Variants in REEP5 observed in about 807,000 individuals in gnomAD.
The protein encoded by REEP5 is receptor expression-enhancing protein 5.
Under a neutral mutation model 22.4 loss-of-function variants are expected in REEP5, and 24 were observed. The ratio of observed to expected loss-of-function variants is 1.07; its 90% CI spans 0.78 to 1.51. The LOEUF (loss-of-function observed/expected upper bound fraction) is 1.51, where lower values mean the gene tolerates loss of function less well. Ranked by LOEUF, REEP5 falls within the 40% of genes most tolerant of loss-of-function variation. REEP5 has a pLI of 0.00. For missense variants in REEP5, 252 were observed against 233.0 expected, an observed-to-expected ratio of 1.08 and a Z score of -0.53; for synonymous variants, 103 against 88.6, an observed-to-expected ratio of 1.16 and a Z score of -0.92.
At chr5:112,885,500 GGC>G in intron 4 of REEP5, 4 of 206,048 alleles carry the variant, frequency 1.9e-5, no homozygotes, top group Non-Finnish European at 4.1e-5. Flanking sequence ...TCCCTAACTA[GGC>G]AGATGAGGGT....
chr5:112,906,698 A>C (rs1000450012), intron 2 of REEP5, among the ~76,000 whole-genome samples: 1 of 152,162 alleles, frequency 6.6e-6, no homozygotes, highest in Non-Finnish European at 1.5e-5. Context: ...CCATCTACAG[A>C]ACTTATTAAA....
intron 3 of REEP5, chr5:112,897,351 T>TCACACACACACACA (rs34612314): frequency 1.4e-4 from 14 of 97,790 alleles, no homozygotes; most frequent in Non-Finnish European, 8.4e-5. Context: ...ACACATCCCA[T>TCACACACACACACA]CACACACACA....
chr5:112,912,711 C>G (rs1467370854), intron 2 of REEP5, among the ~76,000 whole-genome samples: 1 of 152,068 alleles, frequency 6.6e-6, no homozygotes, highest in East Asian at 1.9e-4. Context: ...TCCTCCATGC[C>G]CACCATGCAT....
At chr5:112,892,095 A>G (rs777764337) in intron 3 of REEP5, 59 of 1,613,272 alleles carry the variant, frequency 3.7e-5, no homozygotes, top group Non-Finnish European at 4.9e-5. Context: ...AAAATGATTT[A>G]GAAAATAGTA....
At chr5:112,907,759 G>A (rs1768986361) in intron 2 of REEP5, among the ~76,000 whole-genome samples, 1 of 152,064 alleles carries the variant, frequency 6.6e-6, no homozygotes, top group South Asian at 2.1e-4. Context: ...GTATGTAAAG[G>A]GCAGTAGACT....
intron 4 of REEP5, 40 bp from the exon 5 acceptor site, chr5:112,878,875 C>A: frequency 1.2e-6 from 2 of 1,613,526 alleles, no homozygotes; most frequent in Middle Eastern, 1.7e-4. Flanking sequence ...TATATCAAAG[C>A]TCTTTCTTTG....
intron 3 of REEP5, chr5:112,891,567 G>A (rs1580736870): frequency 1.3e-6 from 2 of 1,548,564 alleles, no homozygotes; most frequent in African/African-American, 2.7e-5. Context: ...ACTGACAGTG[G>A]CAGCTATGAA....
chr5:112,898,198 C>G (rs180930842), intron 3 of REEP5: 85 of 152,380 alleles, frequency 5.6e-4, no homozygotes, highest in African/African-American at 1.9e-3. Flanking sequence ...CCTTCTCCTA[C>G]AGACGAGACT....
At chr5:112,902,246 G>A (rs773150722) in intron 3 of REEP5, 134 bp downstream of exon 3, 14 of 902,322 alleles carry the variant, frequency 1.6e-5, no homozygotes, top group African/African-American at 3.5e-5. Context: ...ACAGAGTCTC[G>A]CTCTGTTGCC....
At chr5:112,919,374 C>T (rs985691496) in intron 2 of REEP5, among the ~76,000 whole-genome samples, 3 of 151,726 alleles carry the variant, frequency 2.0e-5, no homozygotes, top group Non-Finnish European at 4.4e-5. Flanking sequence ...ATGGCAAAAC[C>T]GCATCTCTAC....
chr5:112,890,839 TA>T (rs1179502803), intron 3 of REEP5, among the ~76,000 whole-genome samples: 1 of 150,844 alleles, frequency 6.6e-6, no homozygotes, highest in African/African-American at 2.5e-5. Context: ...ACAAGTTACT[TA>T]ATCACTTAAG....
chr5:112,888,599 AACTT>A (rs1174972740), intron 3 of REEP5, among the ~76,000 whole-genome samples: 57 of 132,998 alleles, frequency 4.3e-4, no homozygotes, highest in East Asian at 2.0e-3. Context: ...AATTTTTTAT[AACTT>A]TTTTTTGTAG....
intron 4 of REEP5, among the ~76,000 whole-genome samples, chr5:112,879,666 T>C (rs57522421): frequency 1.3e-3 from 198 of 151,928 alleles, no homozygotes; most frequent in African/African-American, 4.1e-3. Flanking sequence ...TTAGTAGAGA[T>C]GGGGTTTCAC....
At chr5:112,915,880 T>TTC (rs1554094969) in intron 2 of REEP5, among the ~76,000 whole-genome samples, 1,547 of 133,806 alleles carry the variant, frequency 0.012, 26 homozygotes, top group African/African-American at 0.04. Flanking sequence ...AATTACAATT[T>TTC]AAAAAAAAAA....
At chr5:112,888,375 G>C (rs1739308231) in intron 3 of REEP5, among the ~76,000 whole-genome samples, 1 of 152,180 alleles carries the variant, frequency 6.6e-6, no homozygotes, top group Non-Finnish European at 1.5e-5. Flanking sequence ...ACTAGACTTT[G>C]AACTTGTATA....
intron 4 of REEP5, among the ~76,000 whole-genome samples, chr5:112,879,307 T>C (rs1198863349): frequency 1.2e-5 from 1 of 84,598 alleles, no homozygotes; most frequent in East Asian, 4.1e-4. Flanking sequence ...AATACAGTCA[T>C]CCCTTGATAT....
At chr5:112,908,532 A>AT (rs779903886) in intron 2 of REEP5, among the ~76,000 whole-genome samples, 4,301 of 146,438 alleles carry the variant, frequency 0.029, 135 homozygotes, top group African/African-American at 0.078. Flanking sequence ...ACAGCTAATA[A>AT]TTTTTTTTTT....
chr5:112,910,603 T>C (rs1302064909), intron 2 of REEP5, among the ~76,000 whole-genome samples: 1 of 152,204 alleles, frequency 6.6e-6, no homozygotes, highest in Non-Finnish European at 1.5e-5. Flanking sequence ...CTAGATACCA[T>C]ATATATGCTA....
intron 3 of REEP5, chr5:112,891,458 T>C (rs1768444810): frequency 1.4e-6 from 1 of 708,154 alleles, no homozygotes. Flanking sequence ...AAAGTCTAAC[T>C]GCAATATAAA....
Sources: gnomAD v4.1 joint callset for allele counts (sites outside exome capture counted in the v4.1 genomes callset) on GRCh38, gnomAD v4.1.1 for gene constraint, MANE v1.5 for transcripts, NCBI Gene and HGNC (gene_info 2026-07-23, HGNC 2026-07-21) for gene names.